The following ANKRD28 variants were observed in gnomAD, a reference collection of about 807,000 sequenced individuals.
ANKRD28 encodes the protein serine/threonine-protein phosphatase 6 regulatory ankyrin repeat subunit A.
A neutral mutation model predicts 126.5 loss-of-function variants in ANKRD28; 44 were observed. The observed-to-expected ratio is 0.35, with a 90% CI of 0.27 to 0.45. ANKRD28 has a LOEUF of 0.45. Among genes scored for constraint, ANKRD28 ranks in the 20% least tolerant of loss-of-function variants. The pLI is 1.00. For synonymous variants in ANKRD28, 442 were observed against 468.5 expected (o/e 0.94, Z 0.73); for missense variants, 1,110 against 1,316.6 (o/e 0.84, Z 2.43).
At chr3:15,826,932 T>C (rs2061079446) in intron 1 of ANKRD28, among the ~76,000 whole-genome samples, 1 of 152,210 alleles carries the variant, frequency 6.6e-6, no homozygotes, top group East Asian at 1.9e-4. Flanking sequence ...ACGGTATGCC[T>C]GTAGGTCATT....
At chr3:15,726,475 T>C (rs1292664879) in intron 6 of ANKRD28, among the ~76,000 whole-genome samples, 2 of 152,198 alleles carry the variant, frequency 1.3e-5, no homozygotes, top group East Asian at 3.8e-4. Flanking sequence ...TGCCAAAGCC[T>C]AATCGAGAGC....
At chr3:15,690,257 TA>T in intron 17 of ANKRD28, 37 bp from the exon 18 acceptor site, 1 of 1,469,080 alleles carries the variant, frequency 6.8e-7, no homozygotes, top group Non-Finnish European at 9.2e-7. Flanking sequence ...AAAACATACA[TA>T]TTTAGACTGA....
chr3:15,675,877 G>A (rs747075861), intron 27 of ANKRD28, 21 bp downstream of exon 27: 1 of 1,571,294 alleles, frequency 6.4e-7, no homozygotes, highest in Non-Finnish European at 8.7e-7. Flanking sequence ...GTTAAGGGAA[G>A]AGAATATAGA....
At chr3:15,807,410 G>A (rs1486265155) in intron 1 of ANKRD28, among the ~76,000 whole-genome samples, 1 of 152,202 alleles carries the variant, frequency 6.6e-6, no homozygotes, top group Non-Finnish European at 1.5e-5. Context: ...CATGCAAGAA[G>A]GAAGAGGGTA....
intron 1 of ANKRD28, among the ~76,000 whole-genome samples, chr3:15,827,869 A>C (rs1044495449): frequency 5.9e-5 from 9 of 152,236 alleles, no homozygotes; most frequent in African/African-American, 1.9e-4. Flanking sequence ...CAGAATATAT[A>C]AAGAAATCCT....
chr3:15,740,342 C>T (rs559592984), intron 4 of ANKRD28, among the ~76,000 whole-genome samples: 1 of 151,950 alleles, frequency 6.6e-6, no homozygotes, highest in East Asian at 1.9e-4. Context: ...AGGGTGTACA[C>T]TAAAAAATTC....
intron 11 of ANKRD28, among the ~76,000 whole-genome samples, chr3:15,711,792 T>C (rs555462607): frequency 6.6e-6 from 1 of 152,116 alleles, no homozygotes; most frequent in East Asian, 1.9e-4. Context: ...GTTCAAGCGA[T>C]TCTCCTGCCT....
intron 1 of ANKRD28, among the ~76,000 whole-genome samples, chr3:15,837,661 A>G (rs12634892): frequency 0.67 from 101,867 of 151,900 alleles, 34,672 homozygotes; most frequent in East Asian, 0.91. Flanking sequence ...TTAGAGGGAA[A>G]ATTATAGCTG....
intron 1 of ANKRD28, among the ~76,000 whole-genome samples, chr3:15,831,402 A>G (rs1277203252): frequency 6.6e-6 from 1 of 152,188 alleles, no homozygotes; most frequent in Non-Finnish European, 1.5e-5. Context: ...CTTGTTTTAG[A>G]GCAGGGATTC....
upstream of ANKRD28, chr3:15,798,024 T>C (rs2060355606): frequency 2.0e-6 from 2 of 985,346 alleles, no homozygotes; most frequent in African/African-American, 1.7e-5. Flanking sequence ...GAGAAAAAAA[T>C]AGTGCATTTG....
Position 15,830,491 on chromosome 3 carries a change from G to C in ANKRD28, c.27+28886C>G, listed in dbSNP as rs1032327383. Among the ~76,000 whole-genome samples the C allele has an allele frequency of 6.6e-6, 1 of 152,100 alleles. No individual in the cohort carries two copies. The highest frequency in any genetic ancestry group is 2.4e-5 in the African/African-American group (1 of 41,416). On this transcript the variant is annotated intron_variant, in intron 1 of 27. Transcript: ENST00000399451. The surrounding 1 kb of genome is among the most constrained non-coding windows in gnomAD (Gnocchi z 4.5). ...CCTATTTTGAATTGCACATCTGAGG[G>C]ATCTAGGTTATGTGCTTTTTACAAC...
intron 21 of ANKRD28, among the ~76,000 whole-genome samples, chr3:15,680,290 T>G (rs2067403322): frequency 6.6e-6 from 1 of 152,026 alleles, no homozygotes; most frequent in Admixed American, 6.5e-5. Flanking sequence ...CTGCAACCTC[T>G]GCCTCCTGGG....
rs560323684 is a variant in ANKRD28, at chr3:15,854,769, C to T, written c.27+4608G>A. On this transcript the variant is annotated intron_variant, in intron 1 of 27. Coordinates refer to the ANKRD28 transcript ENST00000399451. The surrounding 1 kb of genome is among the most constrained non-coding windows in gnomAD (Gnocchi z 4.1). ...ATCTCCAGCACAAAACAGGAAGACA[C>T]GCCAGGCATGGTGGCTCACGCCTGT... Among the ~76,000 whole-genome samples, 18 of 151,866 alleles carry T rather than the reference C, an allele frequency of 1.2e-4. No individual in the cohort carries two copies. Among genetic ancestry groups the T allele is most frequent in the Non-Finnish European group, 2.1e-4 (14 of 67,908 alleles).
Position 15,670,262 on chromosome 3 carries a change from T to A in ANKRD28, c.*8A>T. On this transcript the variant is annotated 3_prime_UTR_variant, in exon 28 of 28. Coordinates refer to ENST00000683139, the MANE Select transcript of ANKRD28 (RefSeq NM_001349278.2). The stretch of plus-strand genomic sequence containing the variant: ...CTTTACTGTGAGAACTCCCTCCTCC[T>A]CAGCCTCTCAGTAGGTCTCAGAATC... 3 of 1,610,058 alleles carry A rather than the reference T, an allele frequency of 1.9e-6. No individual in the cohort carries two copies. The highest frequency in any genetic ancestry group is 2.5e-6 in the Non-Finnish European group (3 of 1,176,512).
intron 1 of ANKRD28, among the ~76,000 whole-genome samples, chr3:15,827,141 A>G (rs183767615): frequency 1.3e-5 from 2 of 152,346 alleles, no homozygotes; most frequent in Admixed American, 1.3e-4. Context: ...ATGTGGAGAA[A>G]AGAGAACCCC....
Position 15,715,994 on chromosome 3 carries a change from CT to C in ANKRD28, c.997-1339del, listed in dbSNP as rs5846874. ...TTTAGCTATGGCCTTTTTTTTCTCT[CT>C]TTTTTTTTTTTGAGACTTGCTTTGT... On this transcript the variant is annotated intron_variant, in intron 8 of 27. Transcript: ENST00000683139. 1.6e-3 allele frequency among the ~76,000 whole-genome samples: 221 copies of C among 142,486 alleles called. 3 individuals carry two copies. The South Asian group carries it at 0.02, about 13-fold the overall frequency. 93.5% of individuals were successfully genotyped at this position (142,486 alleles called of 152,430 possible).
At chr3:15,772,181 C>T (rs1166164448) in intron 2 of ANKRD28, among the ~76,000 whole-genome samples, 2 of 151,616 alleles carry the variant, frequency 1.3e-5, no homozygotes, top group Non-Finnish European at 2.9e-5. Flanking sequence ...GGCAAAATAA[C>T]CAGCAAAAAA....
chr3:15,683,149 T>C (rs1321505641), intron 21 of ANKRD28, among the ~76,000 whole-genome samples: 3 of 152,162 alleles, frequency 2.0e-5, no homozygotes, highest in African/African-American at 4.8e-5. Context: ...TGAGGAAAAA[T>C]ATCTCACTGT....
intron 21 of ANKRD28, among the ~76,000 whole-genome samples, chr3:15,681,577 T>A (rs1461312028): frequency 6.6e-6 from 1 of 152,256 alleles, no homozygotes; most frequent in Non-Finnish European, 1.5e-5. Context: ...TTTCATGGTT[T>A]AATATTTGCC....
Sources: allele counts gnomAD v4.1 joint callset (sites outside exome capture counted in the v4.1 genomes callset), GRCh38; gene constraint gnomAD v4.1.1; non-coding constraint Gnocchi (gnomAD v3.1); transcripts MANE v1.5; gene names NCBI Gene and HGNC (gene_info 2026-07-23, HGNC 2026-07-21).